The following ANKDD1B variants were observed in gnomAD, a reference collection of about 807,000 sequenced individuals.
ANKDD1B encodes ankyrin repeat and death domain-containing protein 1B.
Under a neutral mutation model 59.7 loss-of-function variants are expected in ANKDD1B, and 57 were observed. That is an observed-to-expected ratio of 0.95 (90% CI 0.77 to 1.19). ANKDD1B has a LOEUF of 1.19. Ranked by LOEUF, ANKDD1B falls within the 50% of genes most tolerant of loss-of-function variation. The pLI, the probability that ANKDD1B is intolerant of heterozygous loss-of-function variation, is 0.00. For missense variants in ANKDD1B, 602 were observed against 641.9 expected, an observed-to-expected ratio of 0.94 and a Z score of 0.67; for synonymous variants, 216 against 239.5, an observed-to-expected ratio of 0.90 and a Z score of 0.91.
At chr5:75,653,957 G>T (rs945168928) in intron 8 of ANKDD1B, among the ~76,000 whole-genome samples, 1 of 152,268 alleles carries the variant, frequency 6.6e-6, no homozygotes, top group Non-Finnish European at 1.5e-5. Context: ...CCCCTGCAAG[G>T]TGGGTGGCCC....
At chr5:75,622,476 G>C (rs953214427) in intron 3 of ANKDD1B, among the ~76,000 whole-genome samples, 2 of 152,168 alleles carry the variant, frequency 1.3e-5, no homozygotes, top group African/African-American at 4.8e-5. Flanking sequence ...CTGCATGCTA[G>C]GGACCAAAGT....
chr5:75,648,918 C>T (rs926694771), intron 7 of ANKDD1B, among the ~76,000 whole-genome samples: 5 of 152,196 alleles, frequency 3.3e-5, no homozygotes, highest in Admixed American at 3.3e-4. Context: ...TCCCTCCCAC[C>T]TCCCCATCAT....
intron 7 of ANKDD1B, among the ~76,000 whole-genome samples, chr5:75,642,005 T>TA (rs1774480356): frequency 6.6e-6 from 1 of 152,156 alleles, no homozygotes; most frequent in African/African-American, 2.4e-5. Flanking sequence ...ATGTAGCTGT[T>TA]AAAAATTATA....
At chr5:75,642,255 G>C (rs144771973) in intron 7 of ANKDD1B, among the ~76,000 whole-genome samples, 1 of 151,052 alleles carries the variant, frequency 6.6e-6, no homozygotes, top group Admixed American at 6.6e-5. Context: ...CAAGATGGCC[G>C]AATAGGAACA....
At chr5:75,622,744 G>A (rs781249846) in intron 3 of ANKDD1B, among the ~76,000 whole-genome samples, 8 of 152,136 alleles carry the variant, frequency 5.3e-5, no homozygotes, top group Non-Finnish European at 7.4e-5. Flanking sequence ...ACAGAGCTTC[G>A]TGAGCCAACT....
intron 7 of ANKDD1B, 112 bp downstream of exon 7, chr5:75,635,994 A>C: frequency 1.7e-6 from 1 of 583,330 alleles, no homozygotes; most frequent in Non-Finnish European, 2.9e-6. Flanking sequence ...ATGGAGTGTA[A>C]AATGTGATGC....
chr5:75,621,923 G>C (rs973120225), intron 3 of ANKDD1B, among the ~76,000 whole-genome samples: 2 of 152,062 alleles, frequency 1.3e-5, no homozygotes, highest in African/African-American at 4.8e-5. Context: ...AGTAATTCCT[G>C]GTGTGTCTCT....
Position 75,625,905 on chromosome 5 carries a change from G to C in ANKDD1B, c.550G>C (p.Glu184Gln), listed in dbSNP as rs1057126331. The C allele has an allele frequency of 2.6e-6, 4 of 1,536,100 alleles. No homozygotes were observed. The African/African-American group carries it at 5.5e-5, about 21-fold the overall frequency. Residue 184 changes from glutamate to glutamine, a missense_variant, in exon 5 of 14, where the codon GAG becomes CAG. Physicochemically the swap from Glu to Gln is conservative, Grantham distance 29. Transcript: ENST00000601380. ...ATQSNHVRIV[E>Q]YLIQDLHLKD... is the part of the protein sequence containing the mutation. ...TCAGAGCAATCATGTGCGCATCGTG[G>C]AGTATCTTATTCAAGATCTGCACCT... is the stretch of plus-strand genomic sequence containing the variant.
At chr5:75,653,844 T>C (rs921025814) in intron 8 of ANKDD1B, among the ~76,000 whole-genome samples, 15 of 152,232 alleles carry the variant, frequency 9.9e-5, no homozygotes, top group Non-Finnish European at 1.8e-4. Flanking sequence ...GGATGTGGTT[T>C]AAATCATGTC....
intron 7 of ANKDD1B, among the ~76,000 whole-genome samples, chr5:75,652,794 A>C (rs1774865802): frequency 6.6e-6 from 1 of 152,182 alleles, no homozygotes; most frequent in South Asian, 2.1e-4. Flanking sequence ...ATATGTTATG[A>C]GGAATGCCTG....
chr5:75,652,215 C>A (rs1308123073), intron 7 of ANKDD1B, among the ~76,000 whole-genome samples: 4 of 152,154 alleles, frequency 2.6e-5, no homozygotes, highest in South Asian at 2.1e-4. Context: ...TACCTAATAA[C>A]CTCCGAAAGT....
At position 75,649,078 on chromosome 5, in the gene ANKDD1B, C is replaced by T. The variant is rs76309380; in HGVS notation, c.799-4064C>T. On this transcript the variant is annotated intron_variant, in intron 7 of 13. Coordinates refer to ENST00000601380, the MANE Select transcript of ANKDD1B (RefSeq NM_001276713.2). ...CAGGCTCTCTTTAGGGCCCTATTAA[C>T]TGCCCTGGGTCCAATAAAGGCTTTT... Among the ~76,000 whole-genome samples the T allele has an allele frequency of 5.0e-3, 757 of 152,242 alleles. 8 individuals carry two copies. The highest frequency in any genetic ancestry group is 0.016 in the African/African-American group (666 of 41,520).
chr5:75,657,554 G>C (rs749718223), intron 9 of ANKDD1B, among the ~76,000 whole-genome samples: 1 of 152,104 alleles, frequency 6.6e-6, no homozygotes, highest in Non-Finnish European at 1.5e-5. Flanking sequence ...GTCAGTATAA[G>C]TGTAATGTCT....
chr5:75,653,016 G>C, intron 7 of ANKDD1B, 126 bp from the exon 8 acceptor site: 1 of 699,252 alleles, frequency 1.4e-6, no homozygotes, highest in African/African-American at 1.7e-5. Context: ...CCAAATCACT[G>C]TTAAGTGATG....
rs931971632 is a variant in ANKDD1B, at chr5:75,656,038, T to A, written c.907T>A (p.Ser303Thr). Reference protein sequence around the residue: ...DLHQKVEPKESPLHLVVINNH... With the variant: ...DLHQKVEPKETPLHLVVINNH... ...TTATTTCTCTCTGCAGCCTAAGGAG[T>A]CCCCTCTTCATTTAGTTGTTATCAA... Residue 303 changes from serine (S) to threonine (T), a missense_variant, in exon 9 of 14, where the codon TCC becomes ACC. This residue lies in a region of ANKDD1B where 280 missense variants were observed against 319.8 expected (regional missense o/e 0.88). Transcript: ENST00000601380. 5 of 1,474,230 alleles carry A rather than the reference T, an allele frequency of 3.4e-6. No homozygotes were observed. Among genetic ancestry groups the A allele is most frequent in the Non-Finnish European group, 4.6e-6 (5 of 1,091,596 alleles). The allele number at this position is 1,474,230 out of a possible 1,614,324, so 91.3% of individuals were successfully genotyped here.
At chr5:75,658,353 T>G (rs1579972865) in intron 9 of ANKDD1B, among the ~76,000 whole-genome samples, 1 of 152,320 alleles carries the variant, frequency 6.6e-6, no homozygotes, top group Non-Finnish European at 1.5e-5. Flanking sequence ...GTTAAGGAGT[T>G]GGGCTAGATC....
chr5:75,659,260 T>A (rs1428141377), intron 9 of ANKDD1B, 23 bp from the exon 10 acceptor site: 1 of 1,514,238 alleles, frequency 6.6e-7, no homozygotes, highest in South Asian at 1.2e-5. Flanking sequence ...CCAAGTTTGT[T>A]CCCCTCCTTA....
chr5:75,656,374 C>T (rs1774975646), intron 9 of ANKDD1B, among the ~76,000 whole-genome samples: 1 of 152,064 alleles, frequency 6.6e-6, no homozygotes, highest in African/African-American at 2.4e-5. Flanking sequence ...TTTAACAGGC[C>T]CAGCATTTTT....
intron 11 of ANKDD1B, among the ~76,000 whole-genome samples, chr5:75,665,366 G>A (rs1775278457): frequency 6.6e-6 from 1 of 152,198 alleles, no homozygotes; most frequent in African/African-American, 2.4e-5. Flanking sequence ...AGATGCAGAA[G>A]CATTTTGTGT....
Sources: gnomAD v4.1 joint callset for allele counts (sites outside exome capture counted in the v4.1 genomes callset) on GRCh38, gnomAD v4.1.1 for gene constraint, gnomAD v4.1.1 regional missense constraint, MANE v1.5 for transcripts, NCBI Gene and HGNC (gene_info 2026-07-23, HGNC 2026-07-21) for gene names.